The following GABBR2 variants were observed in gnomAD, a reference collection of about 807,000 sequenced individuals.
GABBR2 encodes the protein G-protein coupled receptor 51.
A neutral mutation model predicts 105.6 loss-of-function variants in GABBR2; 23 were observed. The observed-to-expected ratio is 0.22, with a 90% CI of 0.16 to 0.31. The LOEUF is 0.31. GABBR2 is among the 10% of genes least tolerant of loss of function. The pLI is 1.00. For synonymous variants in GABBR2, 478 were observed against 499.7 expected, an observed-to-expected ratio of 0.96 and a Z score of 0.58; for missense variants, 734 against 1,245.5, an observed-to-expected ratio of 0.59 and a Z score of 6.18.
At chr9:98,607,683 T>C in intron 1 of GABBR2, 2 of 748,576 alleles carry the variant, frequency 2.7e-6, no homozygotes, top group Non-Finnish European at 4.9e-6. Flanking sequence ...TTCTAAGAAA[T>C]ATGTTGATAA....
In GABBR2 at chr9:98,451,192, G is replaced by T. The variant is rs139489490; in HGVS notation, c.1236+2789C>A. On this transcript the variant is annotated intron_variant, in intron 7 of 18. Transcript: ENST00000259455. ...GAGGGATCTCAGGGGCTGCAGGGGTGGGGAGAGGGCTGCAGGAAGAGGGGG... is the reference window on the plus strand; with the variant it reads ...GAGGGATCTCAGGGGCTGCAGGGGTTGGGAGAGGGCTGCAGGAAGAGGGGG... Among the ~76,000 whole-genome samples, 342 of 152,270 alleles carry T rather than the reference G, an allele frequency of 2.2e-3. 1 individual carries two copies. The highest frequency in any genetic ancestry group is 7.9e-3 in the African/African-American group (329 of 41,564).
chr9:98,561,211 A>G (rs1828669570), intron 2 of GABBR2, among the ~76,000 whole-genome samples: 1 of 152,092 alleles, frequency 6.6e-6, no homozygotes, highest in Non-Finnish European at 1.5e-5. Context: ...AGAATGACCC[A>G]TATTTGTCTG....
In GABBR2 at chr9:98,508,588, C is replaced by A. The variant is rs572850160; in HGVS notation, c.631-12074G>T. On this transcript the variant is annotated intron_variant, in intron 3 of 18. Transcript: ENST00000259455. ...CCTAATACTGCGCTTTTCCAACGGGCTTAAAAAATGGCGCACCAGGAGATT... is the reference window on the plus strand; with the variant it reads ...CCTAATACTGCGCTTTTCCAACGGGATTAAAAAATGGCGCACCAGGAGATT... Among the ~76,000 whole-genome samples the A allele has an allele frequency of 1.7e-4, 26 of 152,290 alleles. No individual in the cohort carries two copies. The South Asian group carries it at 5.4e-3, about 32-fold the overall frequency.
chr9:98,395,336 T>C (rs7032844), intron 8 of GABBR2, among the ~76,000 whole-genome samples: 31,399 of 151,862 alleles, frequency 0.21, 5,091 homozygotes, highest in African/African-American at 0.45. Flanking sequence ...AGTTCCATCT[T>C]GGATGTGCTG....
At chr9:98,319,067 C>T (rs563634841) in intron 13 of GABBR2, among the ~76,000 whole-genome samples, 88 of 152,176 alleles carry the variant, frequency 5.8e-4, no homozygotes, top group Middle Eastern at 3.4e-3. Flanking sequence ...GATGCCTAGG[C>T]AGGGAGGGGA....
chr9:98,322,409 C>G (rs868379064), intron 13 of GABBR2, among the ~76,000 whole-genome samples: 10 of 152,146 alleles, frequency 6.6e-5, no homozygotes, highest in Non-Finnish European at 1.5e-4. Context: ...TTTGCCTTCC[C>G]TCCTGCCCCA....
intron 1 of GABBR2, among the ~76,000 whole-genome samples, chr9:98,653,404 T>C (rs571967989): frequency 1.3e-5 from 2 of 152,192 alleles, no homozygotes; most frequent in Admixed American, 1.3e-4. Flanking sequence ...AAGAAACTTT[T>C]AAAATAAATG....
chr9:98,578,301 C>T (rs192464260), intron 1 of GABBR2, among the ~76,000 whole-genome samples: 9 of 152,240 alleles, frequency 5.9e-5, no homozygotes, highest in Admixed American at 5.9e-4. Flanking sequence ...AAATCTAGGA[C>T]CTCTCTCCAG....
chr9:98,299,654 A>G (rs7875521), intron 16 of GABBR2, among the ~76,000 whole-genome samples: 1 of 152,002 alleles, frequency 6.6e-6, no homozygotes, highest in Non-Finnish European at 1.5e-5. Flanking sequence ...CATACGAGCT[A>G]AGGCTCTGGA....
At position 98,426,543 on chromosome 9, in the gene GABBR2, G is replaced by T. The variant is rs549465817; in HGVS notation, c.1237-20402C>A. ...TTGGAAACAGTGGGCTGGGCTGGCA[G>T]ACAGGTGTCCCTGGCATGCCTGATT... On this transcript the variant is annotated intron_variant, in intron 7 of 18. Transcript: ENST00000259455. Among the ~76,000 whole-genome samples the T allele has an allele frequency of 2.0e-4, 31 of 152,338 alleles. 1 individual carries two copies. The highest frequency in any genetic ancestry group is 5.5e-4 in the African/African-American group (23 of 41,580).
intron 14 of GABBR2, among the ~76,000 whole-genome samples, chr9:98,308,347 G>C (rs1311603957): frequency 1.3e-5 from 2 of 152,294 alleles, no homozygotes; most frequent in Admixed American, 6.5e-5. Flanking sequence ...AGTAGAATGA[G>C]GGTTCATGGG....
chr9:98,415,710 T>C (rs1564059337), intron 7 of GABBR2, among the ~76,000 whole-genome samples: 1 of 152,184 alleles, frequency 6.6e-6, no homozygotes, highest in Non-Finnish European at 1.5e-5. Context: ...GAATGAGGTA[T>C]GTATGATGAT....
intron 3 of GABBR2, among the ~76,000 whole-genome samples, chr9:98,540,119 G>A (rs75017903): frequency 6.6e-6 from 1 of 152,062 alleles, no homozygotes; most frequent in African/African-American, 2.4e-5. Flanking sequence ...TTGGCAATGA[G>A]TCACTCCCGC....
At chr9:98,494,906 C>T (rs111229692) in intron 4 of GABBR2, among the ~76,000 whole-genome samples, 2 of 152,254 alleles carry the variant, frequency 1.3e-5, no homozygotes, top group African/African-American at 4.8e-5. Flanking sequence ...TGCTGGGCCT[C>T]TGGAGCTCAG....
At chr9:98,597,163 G>A (rs1018020487) in intron 1 of GABBR2, among the ~76,000 whole-genome samples, 5 of 152,228 alleles carry the variant, frequency 3.3e-5, no homozygotes, top group Admixed American at 2.0e-4. Context: ...GCCCCCACCC[G>A]TCAGCCTAGG....
chr9:98,565,132 A>C (rs1466866364), intron 2 of GABBR2, among the ~76,000 whole-genome samples: 1 of 152,188 alleles, frequency 6.6e-6, no homozygotes, highest in Non-Finnish European at 1.5e-5. Flanking sequence ...TACCTGAGGT[A>C]TGACTTTACA....
intron 4 of GABBR2, among the ~76,000 whole-genome samples, chr9:98,482,087 C>T (rs889914230): frequency 5.9e-5 from 9 of 152,242 alleles, no homozygotes; most frequent in African/African-American, 2.2e-4. Context: ...CCGCTTCCTG[C>T]CCTCCACAGT....
chr9:98,679,089 G>A (rs577156565), intron 1 of GABBR2, among the ~76,000 whole-genome samples: 30 of 152,242 alleles, frequency 2.0e-4, no homozygotes, highest in African/African-American at 7.2e-4. Context: ...AGTACCCCAA[G>A]CAGTAGGCAA....
intron 1 of GABBR2, among the ~76,000 whole-genome samples, chr9:98,610,124 G>A (rs1381413848): frequency 1.3e-5 from 2 of 152,156 alleles, no homozygotes; most frequent in Admixed American, 1.3e-4. Context: ...CATCCGCCCC[G>A]CCTAGGAGGG....
Sources: gnomAD v4.1 joint callset for allele counts (sites outside exome capture counted in the v4.1 genomes callset) on GRCh38, gnomAD v4.1.1 for gene constraint, MANE v1.5 for transcripts, NCBI Gene and HGNC (gene_info 2026-07-23, HGNC 2026-07-21) for gene names.